Variants in GLDC observed in about 807,000 individuals in gnomAD.
The protein encoded by GLDC is glycine decarboxylase, also known as glycine dehydrogenase (decarboxylating), mitochondrial.
Under a neutral mutation model 121.3 loss-of-function variants are expected in GLDC, and 104 were observed. The ratio of observed to expected loss-of-function variants is 0.86; its 90% CI spans 0.73 to 1.01. The LOEUF (loss-of-function observed/expected upper bound fraction) is 1.01. Ranked by LOEUF, GLDC falls within the 50% of genes least tolerant of loss-of-function variation. The probability of loss-of-function intolerance (pLI) is 0.00; values close to 1 mark genes in which losing one functional copy is unlikely to be tolerated. For synonymous variants in GLDC, 546 were observed against 480.6 expected (o/e 1.14, Z -1.78); for missense variants, 1,429 against 1,306.6 (o/e 1.09, Z -1.44).
intron 16 of GLDC, among the ~76,000 whole-genome samples, chr9:6,563,700 T>C (rs940157078): frequency 7.2e-5 from 11 of 152,258 alleles, no homozygotes; most frequent in African/African-American, 2.4e-4. Context: ...GAACCACGAA[T>C]GAACAAACTG....
At chr9:6,624,213 T>C (rs1321111767) in intron 2 of GLDC, among the ~76,000 whole-genome samples, 1 of 152,190 alleles carries the variant, frequency 6.6e-6, no homozygotes, top group Non-Finnish European at 1.5e-5. Flanking sequence ...TTGAATTGTG[T>C]TCCCAAAAAT....
At chr9:6,534,907 T>C (rs1817089637) in intron 23 of GLDC, 119 bp from the exon 24 acceptor site, 1 of 703,546 alleles carries the variant, frequency 1.4e-6, no homozygotes, top group Non-Finnish European at 2.7e-6. Flanking sequence ...TGTTGTTTTC[T>C]TTCAATTTAG....
intron 4 of GLDC, among the ~76,000 whole-genome samples, chr9:6,608,604 G>A (rs1356704922): frequency 6.6e-6 from 1 of 150,480 alleles, no homozygotes; most frequent in Non-Finnish European, 1.5e-5. Context: ...AAATTAGCCG[G>A]GCGTGGTGGC....
intron 2 of GLDC, among the ~76,000 whole-genome samples, chr9:6,632,543 G>C (rs1025720): frequency 6.6e-6 from 1 of 152,068 alleles, no homozygotes; most frequent in Non-Finnish European, 1.5e-5. Context: ...AAAGTTATCC[G>C]TACATCGTAT....
chr9:6,587,513 T>C (rs1818294801), intron 14 of GLDC, among the ~76,000 whole-genome samples: 1 of 152,164 alleles, frequency 6.6e-6, no homozygotes, highest in South Asian at 2.1e-4. Context: ...TACACAAAAA[T>C]ACAATGTTTT....
chr9:6,618,982 A>C (rs1444750535), intron 3 of GLDC, among the ~76,000 whole-genome samples: 1 of 151,826 alleles, frequency 6.6e-6, no homozygotes, highest in Non-Finnish European at 1.5e-5. Flanking sequence ...TCTCTACTAA[A>C]AATGCAAAAA....
chr9:6,643,129 C>A (rs1015214578), intron 2 of GLDC, among the ~76,000 whole-genome samples: 3 of 152,010 alleles, frequency 2.0e-5, no homozygotes, highest in African/African-American at 7.3e-5. Context: ...AACTGCTGGC[C>A]TCAAGCGATC....
intron 15 of GLDC, among the ~76,000 whole-genome samples, chr9:6,571,342 C>T (rs996299933): frequency 6.6e-6 from 1 of 152,064 alleles, no homozygotes; most frequent in Non-Finnish European, 1.5e-5. Flanking sequence ...TACATACATA[C>T]CTATGATAAA....
At chr9:6,640,036 A>T (rs115936171) in intron 2 of GLDC, among the ~76,000 whole-genome samples, 235 of 152,308 alleles carry the variant, frequency 1.5e-3, no homozygotes, top group African/African-American at 5.5e-3. Flanking sequence ...CAGTTGCCCG[A>T]CTTCTAGTAA....
chr9:6,594,910 G>T (rs1291223888), intron 9 of GLDC, 104 bp downstream of exon 9: 2 of 782,550 alleles, frequency 2.6e-6, no homozygotes, highest in Non-Finnish European at 4.6e-6. Context: ...TTTCTCACTT[G>T]ACTTTTAATT....
intron 8 of GLDC, among the ~76,000 whole-genome samples, chr9:6,601,008 A>G: frequency 6.6e-6 from 1 of 152,126 alleles, no homozygotes; most frequent in East Asian, 1.9e-4. Flanking sequence ...CCCCGTCTCT[A>G]CTAAAAATGC....
At chr9:6,628,153 C>CT (rs1398991816) in intron 2 of GLDC, among the ~76,000 whole-genome samples, 7 of 152,198 alleles carry the variant, frequency 4.6e-5, no homozygotes, top group Admixed American at 4.6e-4. Flanking sequence ...ATTCCTACCA[C>CT]TGTACACCTC....
chr9:6,625,686 T>C (rs1203038556), intron 2 of GLDC, among the ~76,000 whole-genome samples: 3 of 152,134 alleles, frequency 2.0e-5, no homozygotes, highest in Non-Finnish European at 4.4e-5. Context: ...GTTGTTTTGA[T>C]TTTGCTTGTA....
intron 2 of GLDC, among the ~76,000 whole-genome samples, chr9:6,633,497 C>T (rs1478557896): frequency 6.6e-6 from 1 of 152,176 alleles, no homozygotes; most frequent in African/African-American, 2.4e-5. Flanking sequence ...TCAAGCAAGA[C>T]CCAATCTCTT....
At chr9:6,602,303 T>C (rs1818631416) in intron 7 of GLDC, 98 bp from the exon 8 acceptor site, 2 of 797,100 alleles carry the variant, frequency 2.5e-6, no homozygotes, top group Non-Finnish European at 2.2e-6. Context: ...TTGAAGTGAA[T>C]TCAGCAAATG....
rs60203144 is a variant in GLDC at position 6,629,957 on chromosome 9, A to ATTTTT, written c.335-9643_335-9639dup. 5.4e-3 allele frequency among the ~76,000 whole-genome samples: 447 copies of ATTTTT among 83,050 alleles called. 16 individuals are homozygous for ATTTTT. The highest frequency in any genetic ancestry group is 9.8e-3 in the Middle Eastern group (2 of 204). The allele number at this position is 83,050 out of a possible 152,430, so 54.5% of individuals were successfully genotyped here. Reference sequence around the variant, plus strand: ...TATATATATATATGTATATATATATATTTTTTTTTTTTAAGAGAGACAAGG... The same window carrying ATTTTT: ...TATATATATATATGTATATATATATATTTTTTTTTTTTTTTTTAAGAGAGACAAGG... On this transcript the variant is annotated intron_variant, in intron 2 of 24. Transcript: ENST00000321612.
intron 16 of GLDC, among the ~76,000 whole-genome samples, chr9:6,559,296 C>G (rs570644501): frequency 2.0e-5 from 3 of 151,622 alleles, no homozygotes; most frequent in African/African-American, 7.3e-5. Flanking sequence ...GGGTGGATCA[C>G]CTGAGGTCAG....
intron 3 of GLDC, among the ~76,000 whole-genome samples, chr9:6,613,327 T>G (rs959437482): frequency 6.6e-6 from 1 of 152,182 alleles, no homozygotes; most frequent in Non-Finnish European, 1.5e-5. Flanking sequence ...ATAATCTATT[T>G]ATACTAAAAG....
At chr9:6,589,911 C>T (rs924426211) in intron 11 of GLDC, among the ~76,000 whole-genome samples, 3 of 151,934 alleles carry the variant, frequency 2.0e-5, no homozygotes, top group Non-Finnish European at 4.4e-5. Flanking sequence ...CAAAATTAGC[C>T]GGTCGTGTTG....
Sources: allele counts gnomAD v4.1 joint callset (sites outside exome capture counted in the v4.1 genomes callset), GRCh38; gene constraint gnomAD v4.1.1; transcripts MANE v1.5; gene names NCBI Gene and HGNC (gene_info 2026-07-23, HGNC 2026-07-21).